The following AHI1 variants were observed in gnomAD, a reference collection of about 807,000 sequenced individuals.
AHI1 encodes the protein Abelson helper integration site 1.
In AHI1, 123 loss-of-function variants were observed where a neutral mutation model predicts 149.3. The ratio of observed to expected loss-of-function variants is 0.82; its 90% CI spans 0.71 to 0.96. The LOEUF is 0.96. Among genes scored for constraint, AHI1 ranks in the 40% least tolerant of loss-of-function variants. AHI1 has a pLI of 0.00. For synonymous variants in AHI1, 475 were observed against 459.8 expected (o/e 1.03, Z -0.42); for missense variants, 1,439 against 1,422.7 (o/e 1.01, Z -0.18).
rs539189218 is a variant in AHI1, at chr6:135,298,825, T to C, written c.3485+1675A>G. Among the ~76,000 whole-genome samples the C allele has an allele frequency of 7.9e-5, 12 of 152,344 alleles. No individual in the cohort carries two copies. The South Asian group carries it at 2.3e-3, about 29-fold the overall frequency. On this transcript the variant is annotated intron_variant, in intron 27 of 28. Coordinates refer to ENST00000265602, the MANE Select transcript of AHI1 (RefSeq NM_001134831.2). ...ATCTGGAGGGCATGACATGGATCTCTGTATCTCGTGAAAACTGGTATGAAA... is the reference window on the plus strand; with the variant it reads ...ATCTGGAGGGCATGACATGGATCTCCGTATCTCGTGAAAACTGGTATGAAA...
chr6:135,300,199 C>T (rs1028827399), intron 27 of AHI1, among the ~76,000 whole-genome samples: 1 of 151,886 alleles, frequency 6.6e-6, no homozygotes, highest in African/African-American at 2.4e-5. Flanking sequence ...GAGGTGCGTG[C>T]CTGTAATCCC....
chr6:135,294,698 CAAAAAAAA>C (rs56734547), intron 27 of AHI1, among the ~76,000 whole-genome samples: 1 of 68,020 alleles, frequency 1.5e-5, no homozygotes, highest in Admixed American at 1.9e-4. Context: ...TCTCCAAATG[CAAAAAAAA>C]AAAAAAAAAA....
chr6:135,427,320 A>G lies in AHI1; in HGVS notation c.2624-13T>C, dbSNP rs576404955. 3.7e-6 allele frequency: 6 copies of G among 1,603,606 alleles called. No homozygotes were observed. The highest frequency in any genetic ancestry group is 2.2e-5 in the South Asian group (2 of 89,728). On this transcript the variant is annotated splice_polypyrimidine_tract_variant and intron_variant, in intron 19 of 28. Transcript: ENST00000265602. ...GCTACTTGTTCTCCTAAATAAAAAG[A>G]GAGATTCAAAAATGTATATCAGAGC...
Position 135,428,596 on chromosome 6 carries a change from C to T in AHI1, c.2623+33G>A, listed in dbSNP as rs149587594. 7.3e-4 allele frequency: 1,157 copies of T among 1,584,452 alleles called. 12 individuals are homozygous for T. The African/African-American group carries it at 0.013, about 18-fold the overall frequency. On this transcript the variant is annotated intron_variant, in intron 19 of 28. Transcript: ENST00000265602. ...CACTTCTTCAAACCCCTGTACCTCC[C>T]CAAATGATTTTTAAAGTTCAATAAA...
intron 27 of AHI1, among the ~76,000 whole-genome samples, chr6:135,294,517 C>T (rs1782807153): frequency 1.3e-5 from 2 of 151,286 alleles, no homozygotes; most frequent in South Asian, 2.1e-4. Context: ...TCAAAACAAA[C>T]AAACAAACAA....
chr6:135,317,163 C>T (rs949343895), intron 26 of AHI1, among the ~76,000 whole-genome samples: 2 of 152,004 alleles, frequency 1.3e-5, no homozygotes, highest in Non-Finnish European at 2.9e-5. Context: ...AGGTCCTTAG[C>T]TACCTCAAAT....
chr6:135,417,680 A>C (rs538096808), intron 20 of AHI1, among the ~76,000 whole-genome samples: 1 of 152,116 alleles, frequency 6.6e-6, no homozygotes, highest in South Asian at 2.1e-4. Flanking sequence ...ACAGAAGCCA[A>C]CTGATTGGTA....
Position 135,466,116 on chromosome 6 carries a change from C to T in AHI1, c.447G>A (p.Lys149=), listed in dbSNP as rs1459783382. Residue 149 remains lysine (K), a synonymous_variant, in exon 7 of 29, where the codon AAG becomes AAA. Coordinates refer to ENST00000265602, the MANE Select transcript of AHI1 (RefSeq NM_001134831.2). The part of the protein sequence containing the change: ...QDLKPETPEN[K]VDSTHQKTHT... ...GTGTTTTCTGGTGTGTAGAATCAAC[C>T]TTATTCTCAGGAGTTTCCGGTTTCA... The T allele has an allele frequency of 6.2e-7, 1 of 1,613,872 alleles. No homozygotes were observed. Among genetic ancestry groups the T allele is most frequent in the African/African-American group, 1.3e-5 (1 of 75,010 alleles).
chr6:135,468,396 C>T (rs974647875), intron 5 of AHI1, among the ~76,000 whole-genome samples: 1 of 151,912 alleles, frequency 6.6e-6, no homozygotes, highest in African/African-American at 2.4e-5. Context: ...TACAGAGACA[C>T]AAAAAACCCT....
chr6:135,449,645 C>T (rs569313097), intron 11 of AHI1, among the ~76,000 whole-genome samples: 182 of 152,126 alleles, frequency 1.2e-3, no homozygotes, highest in Non-Finnish European at 2.2e-3. Context: ...GCAGGGAACA[C>T]ATTTAACAAC....
chr6:135,441,713 G>C (rs763752136), intron 14 of AHI1, among the ~76,000 whole-genome samples: 47 of 152,248 alleles, frequency 3.1e-4, no homozygotes, highest in Non-Finnish European at 4.7e-4. Flanking sequence ...TAACTTAGGA[G>C]CATTTCCTAA....
chr6:135,466,007 C>T lies in AHI1; in HGVS notation c.556G>A (p.Glu186Lys), dbSNP rs1375659573. 3.1e-6 allele frequency: 5 copies of T among 1,613,928 alleles called. No individual in the cohort carries two copies. The highest frequency in any genetic ancestry group is 1.7e-5 in the Admixed American group (1 of 60,006). Reference sequence around the variant, plus strand: ...CACTGATATGCTTGCATCAATTCTTCATCCTCTTCTAAATCAGTCTCTTCT... The same window carrying T: ...CACTGATATGCTTGCATCAATTCTTTATCCTCTTCTAAATCAGTCTCTTCT... ...GREETDLEED[E>K]ELMQAYQCHV... is the part of the protein sequence containing the mutation. Residue 186 changes from glutamate (E) to lysine (K), a missense_variant, in exon 7 of 29, where the codon GAA (glutamate) becomes AAA (lysine). By Grantham distance (56) the Glu-to-Lys change is moderately conservative (BLOSUM62 1). Transcript: ENST00000265602.
chr6:135,316,945 A>C (rs1037827387), intron 26 of AHI1, among the ~76,000 whole-genome samples: 1 of 152,012 alleles, frequency 6.6e-6, no homozygotes. Flanking sequence ...TGTCTTCCCA[A>C]ATCTTTCTTA....
chr6:135,419,281 C>T lies in AHI1; in HGVS notation c.2765-7737G>A, dbSNP rs554883622. On this transcript the variant is annotated intron_variant, in intron 20 of 28. Transcript: ENST00000265602. ...GAATCAACTATCTGCAAATTCCCTG[C>T]AGTACATGCTATTCTGCTCTTGTTG... 5.3e-5 allele frequency among the ~76,000 whole-genome samples: 8 copies of T among 152,208 alleles called. No individual in the cohort carries two copies. The South Asian group carries it at 1.5e-3, about 28-fold the overall frequency.
At chr6:135,443,915 T>TTGC (rs1301600430) in intron 13 of AHI1, among the ~76,000 whole-genome samples, 2 of 152,114 alleles carry the variant, frequency 1.3e-5, no homozygotes, top group African/African-American at 2.4e-5. Context: ...TTATAACCAC[T>TTGC]TGCTGCTGCT....
At chr6:135,311,368 T>C (rs1033841142) in intron 26 of AHI1, among the ~76,000 whole-genome samples, 4 of 149,728 alleles carry the variant, frequency 2.7e-5, no homozygotes, top group African/African-American at 9.8e-5. Flanking sequence ...ATCTTAAGTA[T>C]GATCCTAGTT....
At chr6:135,434,210 T>C (rs1785057382) in intron 15 of AHI1, among the ~76,000 whole-genome samples, 1 of 151,748 alleles carries the variant, frequency 6.6e-6, no homozygotes, top group Admixed American at 6.6e-5. Context: ...AAAAAAACAG[T>C]TTCTATTCAA....
intron 11 of AHI1, 66 bp downstream of exon 11, chr6:135,453,275 G>T (rs560120478): frequency 7.3e-6 from 9 of 1,228,344 alleles, no homozygotes; most frequent in Non-Finnish European, 1.1e-5. Context: ...AAACTGATTT[G>T]GGAGAAAGCA....
chr6:135,323,261 T>C lies in AHI1; in HGVS notation c.3229A>G (p.Ile1077Val), dbSNP rs1415430874. The C allele has an allele frequency of 6.2e-7, 1 of 1,613,864 alleles. No homozygotes were observed. Among genetic ancestry groups the C allele is most frequent in the Non-Finnish European group, 8.5e-7 (1 of 1,179,838 alleles). The change falls in exon 25 of 29, where the codon ATT (isoleucine) becomes GTT (valine). Residue 1077 changes from isoleucine (I) to valine (V), a missense_variant. Ile to Val is a conservative substitution (Grantham distance 29). Transcript: ENST00000265602. Reference protein sequence around the residue: ...SDELTIHRGDIIRVFFKDNED... With the variant: ...SDELTIHRGDVIRVFFKDNED... ...TTATCTTTGAAAAACACTCGGATAA[T>C]GTCTCCGCGATGGATGGTTAGTTCA...
Sources: allele counts gnomAD v4.1 joint callset (sites outside exome capture counted in the v4.1 genomes callset), GRCh38; gene constraint gnomAD v4.1.1; transcripts MANE v1.5; gene names NCBI Gene and HGNC (gene_info 2026-07-23, HGNC 2026-07-21).